The following ZNF33B variants were observed in gnomAD, a reference collection of about 807,000 sequenced individuals.
ZNF33B encodes zinc finger protein 11b (KOX 2).
A neutral mutation model predicts 45.8 loss-of-function variants in ZNF33B; 29 were observed. The ratio of observed to expected loss-of-function variants is 0.63; its 90% CI spans 0.47 to 0.86. The LOEUF is 0.86. Among genes scored for constraint, ZNF33B ranks in the 40% least tolerant of loss-of-function variants. ZNF33B has a pLI of 0.00. For missense variants in ZNF33B, 831 were observed against 909.9 expected, an observed-to-expected ratio of 0.91 and a Z score of 1.12; for synonymous variants, 305 against 307.8, an observed-to-expected ratio of 0.99 and a Z score of 0.10.
chr10:42,581,577 C>T (rs946898518), intron 1 of ZNF33B: 2 of 151,576 alleles, frequency 1.3e-5, no homozygotes, highest in Non-Finnish European at 2.9e-5. Flanking sequence ...GCACAAGAAA[C>T]CATGTAGAAT....
At chr10:42,617,575 T>C (rs909704608) in intron 4 of ZNF33B, among the ~76,000 whole-genome samples, 1 of 152,206 alleles carries the variant, frequency 6.6e-6, no homozygotes, top group Non-Finnish European at 1.5e-5. Flanking sequence ...AAGTTTCACA[T>C]GCATTAGTTG....
chr10:42,574,246 C>G (rs554123919), exon 2 of ZNF33B: 1 of 151,540 alleles, frequency 6.6e-6, no homozygotes, highest in Non-Finnish European at 1.5e-5. Flanking sequence ...CCTACCACCA[C>G]CTACAGCCTC....
chr10:42,628,512 T>C (rs1052706430), intron 4 of ZNF33B, among the ~76,000 whole-genome samples: 3 of 152,230 alleles, frequency 2.0e-5, no homozygotes, highest in Admixed American at 6.5e-5. Flanking sequence ...ACTTTGAGGT[T>C]TGCTAGAGAC....
downstream of ZNF33B, among the ~76,000 whole-genome samples, chr10:42,584,798 G>C (rs1836898204): frequency 6.6e-6 from 1 of 152,306 alleles, no homozygotes; most frequent in African/African-American, 2.4e-5. Flanking sequence ...TGGGACTACA[G>C]GCGTGAGCCA....
chr10:42,614,013 G>GT (rs2132104032), intron 4 of ZNF33B, among the ~76,000 whole-genome samples: 2 of 152,316 alleles, frequency 1.3e-5, no homozygotes, highest in African/African-American at 4.8e-5. Flanking sequence ...CACTTCTTAC[G>GT]TGTGAGTTGT....
At chr10:42,601,483 T>G (rs201294549) in intron 4 of ZNF33B, among the ~76,000 whole-genome samples, 4 of 141,416 alleles carry the variant, frequency 2.8e-5, no homozygotes, top group Non-Finnish European at 4.6e-5. Context: ...TTTTTTTTTT[T>G]TTTTTTTTTT....
At chr10:42,632,763 C>CTA (rs554187182) in intron 2 of ZNF33B, 109 of 303,176 alleles carry the variant, frequency 3.6e-4, no homozygotes, top group African/African-American at 2.2e-3. Flanking sequence ...ACCCAACAGA[C>CTA]TAACGTTAGG....
chr10:42,600,929 CCT>C lies in ZNF33B; in HGVS notation c.251-6232_251-6231del, dbSNP rs1469129357. Among the ~76,000 whole-genome samples, 44 of 152,244 alleles carry C rather than the reference CCT, an allele frequency of 2.9e-4. 2 individuals carry two copies. In the East Asian group the frequency reaches 7.0e-3, roughly 24 times the overall value. On this transcript the variant is annotated intron_variant, in intron 4 of 4. Transcript: ENST00000359467. The stretch of plus-strand genomic sequence containing the variant: ...GTCAACATTTCCTGTTCTTCATCCC[CCT>C]GAGTAGATCCAGATTTCCATCAGAC...
intron 1 of ZNF33B, among the ~76,000 whole-genome samples, chr10:42,574,884 A>G (rs1279700539): frequency 6.6e-6 from 1 of 152,218 alleles, no homozygotes; most frequent in Non-Finnish European, 1.5e-5. Context: ...GATTTAGATT[A>G]GCAGTGGCAC....
At chr10:42,630,033 T>C (rs1838979620) in intron 4 of ZNF33B, among the ~76,000 whole-genome samples, 1 of 152,204 alleles carries the variant, frequency 6.6e-6, no homozygotes, top group Admixed American at 6.5e-5. Context: ...AAAATGATTC[T>C]AGAAACTCAC....
intron 4 of ZNF33B, among the ~76,000 whole-genome samples, chr10:42,617,797 A>G (rs1677149306): frequency 6.7e-6 from 1 of 150,054 alleles, no homozygotes; most frequent in African/African-American, 2.5e-5. Context: ...ACAGATCATG[A>G]GGTATTATGA....
chr10:42,587,249 G>A (rs536552326), downstream of ZNF33B, among the ~76,000 whole-genome samples: 3 of 152,230 alleles, frequency 2.0e-5, no homozygotes, highest in South Asian at 2.1e-4. Flanking sequence ...GCCCAAGCTG[G>A]AGTGCAGTGG....
chr10:42,620,455 T>C (rs1838523929), intron 4 of ZNF33B, among the ~76,000 whole-genome samples: 1 of 151,958 alleles, frequency 6.6e-6, no homozygotes, highest in African/African-American at 2.4e-5. Flanking sequence ...CAGGCTGGAG[T>C]GCAGTGACAC....
chr10:42,593,752 G>C lies in ZNF33B; in HGVS notation c.1198C>G (p.Leu400Val). The change falls in exon 5 of 5, where the codon CTC (leucine) becomes GTC (valine). Residue 400 changes from leucine to valine, a missense_variant. Transcript: ENST00000359467. The stretch of plus-strand genomic sequence containing the variant: ...GTATGTGTTCTCTGGTGTAATGTGA[G>C]GGCTGACTTATGGCTAAAGGCTTTC... Reference protein sequence around the residue: ...CGKAFSHKSALTLHQRTHTGE... With the variant: ...CGKAFSHKSAVTLHQRTHTGE... 1 of 1,613,868 alleles carries C rather than the reference G, an allele frequency of 6.2e-7. No homozygotes were observed. Among genetic ancestry groups the C allele is most frequent in the Non-Finnish European group, 8.5e-7 (1 of 1,179,910 alleles).
intron 4 of ZNF33B, among the ~76,000 whole-genome samples, chr10:42,613,489 CA>C (rs959848360): frequency 2.0e-5 from 3 of 150,994 alleles, no homozygotes; most frequent in East Asian, 2.0e-4. Context: ...CAGAAGTTGC[CA>C]TGAGCCAAGA....
rs142172359 is a variant in ZNF33B, at chr10:42,606,466, G to A, written c.251-11767C>T. Among the ~76,000 whole-genome samples the A allele has an allele frequency of 7.6e-3, 1,162 of 151,944 alleles. 16 individuals carry two copies. Among genetic ancestry groups the A allele is most frequent in the African/African-American group, 0.027 (1,100 of 41,482 alleles). The stretch of plus-strand genomic sequence containing the variant: ...GGCAACAAAGCGAGACTCCATCTCA[G>A]GGGGAAAAAAAATAGGTACAGATCT... On this transcript the variant is annotated intron_variant, in intron 4 of 4. Transcript: ENST00000359467.
At chr10:42,606,419 C>T (rs886081545) in intron 4 of ZNF33B, among the ~76,000 whole-genome samples, 2 of 151,760 alleles carry the variant, frequency 1.3e-5, no homozygotes, top group African/African-American at 4.8e-5. Flanking sequence ...GAGCCCAGAT[C>T]GTGCCACTGC....
intron 4 of ZNF33B, 98 bp from the exon 5 acceptor site, chr10:42,594,797 G>GT: frequency 1.5e-6 from 2 of 1,332,482 alleles, no homozygotes; most frequent in Middle Eastern, 2.8e-4. Flanking sequence ...GCTGACTCTG[G>GT]TTTTTTGGCC....
chr10:42,635,803 T>C (rs1448476284), intron 2 of ZNF33B, among the ~76,000 whole-genome samples: 1 of 139,902 alleles, frequency 7.1e-6, no homozygotes, highest in Non-Finnish European at 1.5e-5. Context: ...AGCAAGACTC[T>C]GTATCCAAAA....
Sources: gnomAD v4.1 joint callset for allele counts (sites outside exome capture counted in the v4.1 genomes callset) on GRCh38, gnomAD v4.1.1 for gene constraint, MANE v1.5 for transcripts, NCBI Gene and HGNC (gene_info 2026-07-23, HGNC 2026-07-21) for gene names.